Variants in ZNF597 observed in about 807,000 individuals in gnomAD.
ZNF597 encodes zinc finger protein 597.
In ZNF597, 5 loss-of-function variants were observed where a neutral mutation model predicts 7.3. That is an observed-to-expected ratio of 0.68 (90% CI 0.36 to 1.44). The LOEUF (loss-of-function observed/expected upper bound fraction) is 1.44. Among genes scored for constraint, ZNF597 ranks in the 40% most tolerant of loss-of-function variants. ZNF597 has a pLI of 0.04. For missense variants in ZNF597, 585 were observed against 517.9 expected (o/e 1.13, Z -1.26); for synonymous variants, 209 against 185.4 (o/e 1.13, Z -1.04).
In ZNF597 at chr16:3,435,466, A is replaced by G. The variant is rs1217917040; in HGVS notation, c.*958T>C. The G allele has an allele frequency of 6.6e-6, 1 of 152,226 alleles. No individual in the cohort carries two copies. Among genetic ancestry groups the G allele is most frequent in the Non-Finnish European group, 1.5e-5 (1 of 68,044 alleles). 9.4% of individuals were successfully genotyped at this position (152,226 alleles called of 1,614,324 possible). ...TGGCCTTTGGAGTCAGAGAAACCCA[A>G]GCTTAATGTCAGTTTCACCACAATG... On this transcript the variant is annotated 3_prime_UTR_variant, in exon 4 of 4. Transcript: ENST00000301744.
Position 3,436,683 on chromosome 16 carries a change from T to C in ZNF597, c.1016A>G (p.Lys339Arg), listed in dbSNP as rs138789822. 23 of 1,613,808 alleles carry C rather than the reference T, an allele frequency of 1.4e-5. No individual in the cohort carries two copies. The highest frequency in any genetic ancestry group is 1.8e-5 in the Non-Finnish European group (21 of 1,179,918). Residue 339 changes from lysine to arginine, a missense_variant, in exon 4 of 4, where the codon AAG becomes AGG. Transcript: ENST00000301744. ...GTCACAGTCAGGACACTGTAAGGGC[T>C]TGAATTTTGAGAATGAGAAGAAATT... The part of the protein sequence containing the change: ...GDNFFSFSKF[K>R]PLQCPDCDMT...
chr16:3,440,115 G>C (rs2034350086), intron 3 of ZNF597, among the ~76,000 whole-genome samples: 1 of 152,112 alleles, frequency 6.6e-6, no homozygotes, highest in Non-Finnish European at 1.5e-5. Context: ...ATAAAATCTA[G>C]TCAGGCACAG....
rs2034312688 is a variant in ZNF597 at position 3,437,124 on chromosome 16, A to C, written c.575T>G (p.Ile192Ser). 6.2e-7 allele frequency: 1 copy of C among 1,614,036 alleles called. No individual in the cohort carries two copies. Among genetic ancestry groups the C allele is most frequent in the Non-Finnish European group, 8.5e-7 (1 of 1,180,034 alleles). Residue 192 changes from isoleucine (I) to serine (S), a missense_variant, in exon 4 of 4, where the codon ATC (isoleucine) becomes AGC (serine). Coordinates refer to ENST00000301744, the MANE Select transcript of ZNF597 (RefSeq NM_152457.3). ...KKHKCGDCGK[I>S]FNHRANLRTH... is the part of the protein sequence containing the mutation. ...CCTCAGGTTGGCTCTATGATTGAAG[A>C]TCTTTCCACAGTCACCACATTTATG...
rs1006688628 is a variant in ZNF597 at position 3,432,448 on chromosome 16, C to G, written c.*3976G>C. The G allele has an allele frequency of 2.6e-5, 4 of 151,996 alleles. No homozygotes were observed. The highest frequency in any genetic ancestry group is 4.4e-5 in the Non-Finnish European group (3 of 68,022). 9.4% of individuals were successfully genotyped at this position (151,996 alleles called of 1,614,324 possible). On this transcript the variant is annotated 3_prime_UTR_variant, in exon 4 of 4. Coordinates refer to ENST00000301744, the MANE Select transcript of ZNF597 (RefSeq NM_152457.3). The stretch of plus-strand genomic sequence containing the variant: ...TCATAAAATAGCATTTAATAGAAGC[C>G]AAATTGCACATTAGACGTAATCAAT...
At chr16:3,441,756 C>G (rs2034376080) in intron 2 of ZNF597, among the ~76,000 whole-genome samples, 1 of 151,550 alleles carries the variant, frequency 6.6e-6, no homozygotes, top group African/African-American at 2.4e-5. Context: ...GACACTCCAT[C>G]TCAAAAACAA....
chr16:3,436,664 G>A lies in ZNF597; in HGVS notation c.1035C>T (p.Asp345=), dbSNP rs758080036. 1 of 1,612,648 alleles carries A rather than the reference G, an allele frequency of 6.2e-7. No individual in the cohort carries two copies. The highest frequency in any genetic ancestry group is 8.5e-7 in the Non-Finnish European group (1 of 1,179,168). ...FSKFKPLQCP[D]CDMTFPCFSE... ...AGAAACAAGGAAAGGTCATGTCACA[G>A]TCAGGACACTGTAAGGGCTTGAATT... is the stretch of plus-strand genomic sequence containing the variant. The change falls in exon 4 of 4, where the codon GAC becomes GAT. Residue 345 remains aspartate, a synonymous_variant. Coordinates refer to ENST00000301744, the MANE Select transcript of ZNF597 (RefSeq NM_152457.3).
In ZNF597 at chr16:3,437,659, C is replaced by T. The variant is rs554094200; in HGVS notation, c.161-121G>A. On this transcript the variant is annotated intron_variant, in intron 3 of 3. Coordinates refer to ENST00000301744, the MANE Select transcript of ZNF597 (RefSeq NM_152457.3). ...AACCTTAGAAGGGTTATTCTATAAC[C>T]CAGACACTAACCACACAAAATCAGG... is the stretch of plus-strand genomic sequence containing the variant. The T allele has an allele frequency of 2.3e-5, 33 of 1,412,036 alleles. No homozygotes were observed. The South Asian group carries it at 5.2e-4, about 22-fold the overall frequency. The allele number at this position is 1,412,036 out of a possible 1,614,324, so 87.5% of individuals were successfully genotyped here.
intron 2 of ZNF597, 140 bp from the exon 3 acceptor site, chr16:3,441,073 G>T: frequency 8.4e-7 from 1 of 1,188,424 alleles, no homozygotes; most frequent in Non-Finnish European, 1.1e-6. Flanking sequence ...CGCAGAAGTA[G>T]GGCAAATGGG....
chr16:3,437,090 C>G lies in ZNF597; in HGVS notation c.609G>C (p.Arg203Ser), dbSNP rs1476783201. The G allele has an allele frequency of 6.8e-6, 11 of 1,614,172 alleles. No individual in the cohort carries two copies. The highest frequency in any genetic ancestry group is 9.3e-6 in the Non-Finnish European group (11 of 1,180,032). The change falls in exon 4 of 4, where the codon AGG (arginine) becomes AGC (serine). Residue 203 changes from arginine to serine, a missense_variant. Coordinates refer to ENST00000301744, the MANE Select transcript of ZNF597 (RefSeq NM_152457.3). ...AAGGTTTCTCACCAGTATGGATTCT[C>G]CTGTGTGTCCTCAGGTTGGCTCTAT... ...FNHRANLRTHRRIHTGEKPYK... is the reference protein window; with the variant it reads ...FNHRANLRTHSRIHTGEKPYK...
rs756952206 is a variant in ZNF597 at position 3,437,538 on chromosome 16, C to T, written c.161G>A (p.Gly54Glu). ...KESLEDAALM[G>E]EEGKPEINQQ... ...ATTAATCTCAGGCTTGCCTTCCTCTCCTGTTGATAAAAACAAAAGAAAGCA... is the reference window on the plus strand; with the variant it reads ...ATTAATCTCAGGCTTGCCTTCCTCTTCTGTTGATAAAAACAAAAGAAAGCA... The change falls in exon 4 of 4, where the codon GGA becomes GAA. Residue 54 changes from glycine (G) to glutamate (E), a missense_variant and splice_region_variant. Gly to Glu is a moderately conservative substitution (Grantham distance 98, BLOSUM62 -2). Coordinates refer to ENST00000301744, the MANE Select transcript of ZNF597 (RefSeq NM_152457.3). The T allele has an allele frequency of 6.3e-7, 1 of 1,582,328 alleles. No individual in the cohort carries two copies. Among genetic ancestry groups the T allele is most frequent in the East Asian group, 2.2e-5 (1 of 44,642 alleles).
At chr16:3,441,769 A>C (rs1350166293) in intron 2 of ZNF597, among the ~76,000 whole-genome samples, 2 of 151,786 alleles carry the variant, frequency 1.3e-5, no homozygotes, top group Non-Finnish European at 1.5e-5. Flanking sequence ...AAAAACAAAA[A>C]CAAAAACAAA....
In ZNF597 at chr16:3,443,132, G is replaced by A; in HGVS notation, c.22C>T (p.Pro8Ser). ...GTACCTCGACTCACCTGGGCCTCGG[G>A]CGTCGGGGGCATGGACGCCATTTGG... is the stretch of plus-strand genomic sequence containing the variant. The part of the protein sequence containing the change: MASMPPT[P>S]EAQGPILFED... The change falls in exon 2 of 4, where the codon CCC (proline) becomes TCC (serine). Residue 8 changes from proline (P) to serine (S), a missense_variant. Transcript: ENST00000301744. 6.2e-7 allele frequency: 1 copy of A among 1,613,998 alleles called. No homozygotes were observed. The highest frequency in any genetic ancestry group is 8.5e-7 in the Non-Finnish European group (1 of 1,179,950).
chr16:3,440,636 A>G (rs1001417976), intron 3 of ZNF597, among the ~76,000 whole-genome samples, 171 bp downstream of exon 3: 2 of 152,122 alleles, frequency 1.3e-5, no homozygotes, highest in African/African-American at 4.8e-5. Flanking sequence ...TCTGTCTCAA[A>G]AAAAAAAAAT....
At chr16:3,442,865 A>G (rs146419836) in intron 2 of ZNF597, among the ~76,000 whole-genome samples, 1 of 152,070 alleles carries the variant, frequency 6.6e-6, no homozygotes, top group Non-Finnish European at 1.5e-5. Flanking sequence ...AAAACAAAAC[A>G]AACAGATAAG....
chr16:3,439,832 A>C (rs955867983), intron 3 of ZNF597, among the ~76,000 whole-genome samples: 5 of 152,228 alleles, frequency 3.3e-5, no homozygotes, highest in Admixed American at 2.6e-4. Context: ...CAAATCAATC[A>C]ATAGAAACAG....
At chr16:3,440,572 T>G (rs2034356211) in intron 3 of ZNF597, among the ~76,000 whole-genome samples, 1 of 152,060 alleles carries the variant, frequency 6.6e-6, no homozygotes, top group African/African-American at 2.4e-5. Context: ...AGGCGCGGTT[T>G]GCAGTGAGCA....
intron 2 of ZNF597, among the ~76,000 whole-genome samples, 170 bp downstream of exon 2, chr16:3,442,951 T>A (rs890855162): frequency 6.6e-6 from 1 of 152,186 alleles, no homozygotes; most frequent in Non-Finnish European, 1.5e-5. Flanking sequence ...AGGAAGTTGG[T>A]AAACCATTAT....
chr16:3,433,940 A>T lies in ZNF597; in HGVS notation c.*2484T>A, dbSNP rs1297048605. ...GGGCTATTTTTTCTAATCTTTTAGG[A>T]AGTTTGTCGTAATCTTCCAAAATCT... On this transcript the variant is annotated 3_prime_UTR_variant, in exon 4 of 4. Transcript: ENST00000301744. 2.6e-5 allele frequency: 4 copies of T among 151,906 alleles called. No homozygotes were observed. The highest frequency in any genetic ancestry group is 5.9e-5 in the Non-Finnish European group (4 of 68,022). 9.4% of individuals were successfully genotyped at this position (151,906 alleles called of 1,614,324 possible).
At chr16:3,441,967 G>A (rs1327826998) in intron 2 of ZNF597, among the ~76,000 whole-genome samples, 3 of 140,142 alleles carry the variant, frequency 2.1e-5, no homozygotes, top group South Asian at 2.3e-4. Flanking sequence ...GCGTCGCAGC[G>A]AGACTGTCTC....
Sources: gnomAD v4.1 joint callset for allele counts (sites outside exome capture counted in the v4.1 genomes callset) on GRCh38, gnomAD v4.1.1 for gene constraint, MANE v1.5 for transcripts, NCBI Gene and HGNC (gene_info 2026-07-23, HGNC 2026-07-21) for gene names.